CIP2A: variants seen among roughly 807,000 people sequenced by gnomAD.
The protein encoded by CIP2A is protein CIP2A.
Under a neutral mutation model 110.9 loss-of-function variants are expected in CIP2A, and 103 were observed. The observed-to-expected ratio is 0.93, with a 90% CI of 0.79 to 1.09. CIP2A has a LOEUF of 1.09. Ranked by LOEUF, CIP2A falls within the 50% of genes least tolerant of loss-of-function variation. The pLI is 0.00. For synonymous variants in CIP2A, 381 were observed against 361.6 expected (o/e 1.05, Z -0.61); for missense variants, 1,088 against 1,038.4 (o/e 1.05, Z -0.66).
intron 13 of CIP2A, 89 bp from the exon 14 acceptor site, chr3:108,560,930 TG>T: frequency 2.6e-6 from 2 of 784,120 alleles, no homozygotes; most frequent in East Asian, 2.8e-5. Context: ...TTTTTAAGAA[TG>T]GGTCCTTTTT....
At chr3:108,586,936 T>C (rs927984711) in intron 1 of CIP2A, among the ~76,000 whole-genome samples, 5 of 152,216 alleles carry the variant, frequency 3.3e-5, no homozygotes, top group Non-Finnish European at 5.9e-5. Context: ...CATCTCTCTT[T>C]GCATACTCAG....
Position 108,581,435 on chromosome 3 carries a change from G to T in CIP2A, c.529C>A (p.Gln177Lys). 6.2e-7 allele frequency: 1 copy of T among 1,611,686 alleles called. No individual in the cohort carries two copies. The highest frequency in any genetic ancestry group is 1.1e-5 in the South Asian group (1 of 90,918). ...CTTACCAATGTCTTTATGTGCGTTT[G>T]AACAGAAAGATTGTGCCGACAAAGA... ...ANLCRHNLSVQTHIKTLSNVK... is the reference protein window; with the variant it reads ...ANLCRHNLSVKTHIKTLSNVK... Residue 177 changes from glutamine (Q) to lysine (K), a missense_variant, in exon 5 of 21, where the codon CAA (glutamine) becomes AAA (lysine). Physicochemically the swap from Gln to Lys is moderately conservative, Grantham distance 53. Coordinates refer to ENST00000295746, the MANE Select transcript of CIP2A (RefSeq NM_020890.3).
chr3:108,578,112 T>C (rs1938743863), intron 7 of CIP2A, among the ~76,000 whole-genome samples: 3 of 152,208 alleles, frequency 2.0e-5, no homozygotes, highest in Admixed American at 6.5e-5. Flanking sequence ...GAGGTGATTC[T>C]GGGATTCTAC....
intron 8 of CIP2A, among the ~76,000 whole-genome samples, chr3:108,573,679 A>G (rs897454445): frequency 1.3e-5 from 2 of 152,128 alleles, no homozygotes; most frequent in Admixed American, 6.6e-5. Context: ...GATACTAATT[A>G]GAAATAGTTC....
intron 7 of CIP2A, among the ~76,000 whole-genome samples, chr3:108,576,718 C>T (rs549392504): frequency 6.6e-6 from 1 of 152,252 alleles, no homozygotes; most frequent in African/African-American, 2.4e-5. Context: ...ATACATTATA[C>T]AGCTGCTTAC....
intron 14 of CIP2A, 88 bp downstream of exon 14, chr3:108,560,561 G>GTAC: frequency 1.4e-6 from 1 of 730,332 alleles, no homozygotes; most frequent in Non-Finnish European, 2.2e-6. Context: ...AGTGAAATCT[G>GTAC]TACCTGACAG....
chr3:108,569,265 G>A (rs968668473), intron 9 of CIP2A, 124 bp downstream of exon 9: 7 of 703,730 alleles, frequency 9.9e-6, no homozygotes, highest in Middle Eastern at 3.9e-4. Flanking sequence ...TAGTATGACT[G>A]TTAGTAATTG....
chr3:108,583,411 G>T (rs541947518), intron 2 of CIP2A, among the ~76,000 whole-genome samples: 21 of 152,192 alleles, frequency 1.4e-4, no homozygotes, highest in African/African-American at 4.6e-4. Flanking sequence ...ATACTATTTG[G>T]CCATATAAAA....
chr3:108,565,204 T>C, intron 12 of CIP2A, 151 bp downstream of exon 12: 1 of 517,222 alleles, frequency 1.9e-6, no homozygotes, highest in Non-Finnish European at 3.5e-6. Flanking sequence ...GTGAGACTAT[T>C]ATAACTGCTT....
Position 108,553,703 on chromosome 3 carries a change from T to G in CIP2A, c.2352A>C (p.Glu784Asp). ...GATTCTGTACTTCTTTTCTCTGTTCTTCTTTCTCTATTAATTGGGCAATAC... is the reference window on the plus strand; with the variant it reads ...GATTCTGTACTTCTTTTCTCTGTTCGTCTTTCTCTATTAATTGGGCAATAC... Reference protein sequence around the residue: ...EKSIAQLIEKEEQRKEVQNQL... With the variant: ...EKSIAQLIEKDEQRKEVQNQL... The change falls in exon 19 of 21, where the codon GAA becomes GAC. Residue 784 changes from glutamate (E) to aspartate (D), a missense_variant. By Grantham distance (45) the Glu-to-Asp change is conservative. Coordinates refer to ENST00000295746, the MANE Select transcript of CIP2A (RefSeq NM_020890.3). 8 of 1,498,730 alleles carry G rather than the reference T, an allele frequency of 5.3e-6. No individual in the cohort carries two copies. Among genetic ancestry groups the G allele is most frequent in the Non-Finnish European group, 7.4e-6 (8 of 1,077,554 alleles). The allele number at this position is 1,498,730 out of a possible 1,614,324, so 92.8% of individuals were successfully genotyped here. A position where few individuals can be genotyped will look rare whatever the true frequency, so the allele number is the denominator to read the frequency against.
intron 12 of CIP2A, 95 bp from the exon 13 acceptor site, chr3:108,563,339 T>C: frequency 2.7e-6 from 2 of 742,176 alleles, no homozygotes; most frequent in South Asian, 3.3e-5. Flanking sequence ...TAAATCTTAA[T>C]TCTAGGCAAA....
At chr3:108,567,257 T>A (rs75858627) in intron 10 of CIP2A, among the ~76,000 whole-genome samples, 3 of 151,758 alleles carry the variant, frequency 2.0e-5, no homozygotes, top group East Asian at 1.9e-4. Flanking sequence ...TTTTTTTTTT[T>A]ACATGTTCTC....
rs1222953521 is a variant in CIP2A at position 108,551,267 on chromosome 3, T to G, written c.2600A>C (p.Lys867Thr). ...TTGCTGAAGTTTCACCAAGGACTCT[T>G]TCTCTTCCAAACGACCTTCTAATTG... Reference protein sequence around the residue: ...KAQLEGRLEEKESLVKLQQEE... With the variant: ...KAQLEGRLEETESLVKLQQEE... The change falls in exon 21 of 21, where the codon AAA (lysine) becomes ACA (threonine). Residue 867 changes from lysine (K) to threonine (T), a missense_variant. Coordinates refer to ENST00000295746, the MANE Select transcript of CIP2A (RefSeq NM_020890.3). 7 of 1,612,526 alleles carry G rather than the reference T, an allele frequency of 4.3e-6. No homozygotes were observed. Among genetic ancestry groups the G allele is most frequent in the Non-Finnish European group, 5.1e-6 (6 of 1,179,032 alleles).
rs1266072783 is a variant in CIP2A, at chr3:108,579,296, G to A, written c.803C>T (p.Ala268Val). 1.2e-6 allele frequency: 2 copies of A among 1,609,004 alleles called. No homozygotes were observed. The highest frequency in any genetic ancestry group is 1.7e-6 in the Non-Finnish European group (2 of 1,176,976). The change falls in exon 7 of 21, where the codon GCT (alanine) becomes GTT (valine). Residue 268 changes from alanine to valine, a missense_variant. By Grantham distance (64) the Ala-to-Val change is moderately conservative. Transcript: ENST00000295746. ...LMDLLKNPKIADYLTRYEHFS... is the reference protein window; with the variant it reads ...LMDLLKNPKIVDYLTRYEHFS... ...TGAGTCATACCTGGTGAGATAATCAGCAATTTTAGGATTCTTAAGGAGATC... is the reference window on the plus strand; with the variant it reads ...TGAGTCATACCTGGTGAGATAATCAACAATTTTAGGATTCTTAAGGAGATC...
intron 8 of CIP2A, among the ~76,000 whole-genome samples, chr3:108,574,080 G>A (rs1345288084): frequency 6.6e-6 from 1 of 152,048 alleles, no homozygotes; most frequent in Non-Finnish European, 1.5e-5. Context: ...ACCATTAGGT[G>A]AGTAAAAAGG....
At position 108,589,356 on chromosome 3, in the gene CIP2A, A is replaced by C; in HGVS notation, c.20T>G (p.Leu7Trp). Residue 7 changes from leucine (L) to tryptophan (W), a missense_variant, in exon 1 of 21, where the codon TTG becomes TGG. Physicochemically the swap from Leu to Trp is moderately conservative, Grantham distance 61. Transcript: ENST00000295746. Reference sequence around the variant, plus strand: ...ACTGACAGTCAGGAGCAAGGACTTCAAGCAGGCAGTGGAGTCCATTGCACC... The same window carrying C: ...ACTGACAGTCAGGAGCAAGGACTTCCAGCAGGCAGTGGAGTCCATTGCACC... MDSTAC[L>W]KSLLLTVSQY... 1 of 1,613,644 alleles carries C rather than the reference A, an allele frequency of 6.2e-7. No homozygotes were observed. Among genetic ancestry groups the C allele is most frequent in the Non-Finnish European group, 8.5e-7 (1 of 1,179,762 alleles).
chr3:108,570,923 A>G (rs1350227268), intron 8 of CIP2A, among the ~76,000 whole-genome samples: 3 of 152,194 alleles, frequency 2.0e-5, no homozygotes, highest in Non-Finnish European at 4.4e-5. Flanking sequence ...CAGCTATACA[A>G]AAATACTTTA....
chr3:108,559,896 T>A (rs952016984), intron 15 of CIP2A, 29 bp from the exon 16 acceptor site: 1 of 1,586,860 alleles, frequency 6.3e-7, no homozygotes, highest in Non-Finnish European at 8.6e-7. Context: ...TTAATTTTCA[T>A]TTTAGGAATA....
In CIP2A at chr3:108,581,415, C is replaced by T; in HGVS notation, c.549G>A (p.Leu183=). ...CATTAAAAAGAAATAAACTTCTTAC[C>T]AATGTCTTTATGTGCGTTTGAACAG... The part of the protein sequence containing the change: ...NLSVQTHIKT[L]SNVKSFYRTL... Residue 183 remains leucine, a splice_region_variant and synonymous_variant, in exon 5 of 21, where the codon TTG becomes TTA. Coordinates refer to ENST00000295746, the MANE Select transcript of CIP2A (RefSeq NM_020890.3). 1.3e-6 allele frequency: 2 copies of T among 1,591,606 alleles called. No homozygotes were observed. Among genetic ancestry groups the T allele is most frequent in the Non-Finnish European group, 1.7e-6 (2 of 1,161,532 alleles).
Sources: allele counts gnomAD v4.1 joint callset (sites outside exome capture counted in the v4.1 genomes callset), GRCh38; gene constraint gnomAD v4.1.1; transcripts MANE v1.5; gene names NCBI Gene and HGNC (gene_info 2026-07-23, HGNC 2026-07-21).